CLIC5: variants seen among roughly 807,000 people sequenced by gnomAD.
CLIC5 encodes CLIC family member 5, also known as chloride intracellular channel protein 5.
In CLIC5, 20 loss-of-function variants were observed where a neutral mutation model predicts 24.7. The observed-to-expected ratio is 0.81, with a 90% confidence interval of 0.57 to 1.18. The LOEUF (loss-of-function observed/expected upper bound fraction) is 1.18, where lower values mean the gene tolerates loss of function less well. Among genes scored for constraint, CLIC5 ranks in the 50% most tolerant of loss-of-function variants. The pLI is 0.00. For missense variants in CLIC5, 341 were observed against 326.1 expected, an observed-to-expected ratio of 1.05 and a Z score of -0.35; for synonymous variants, 159 against 135.6, an observed-to-expected ratio of 1.17 and a Z score of -1.20.
At chr6:46,105,639 C>A in the CLIC5 span, among the ~76,000 whole-genome samples, 7 of 152,312 alleles carry the variant, frequency 4.6e-5, no homozygotes, top group Non-Finnish European at 8.8e-5. Flanking sequence ...CCACTCACCC[C>A]CTTTTGAAGT....
upstream of CLIC5, among the ~76,000 whole-genome samples, chr6:46,017,763 T>C (rs925846074): frequency 1.1e-4 from 17 of 152,304 alleles, no homozygotes; most frequent in African/African-American, 4.1e-4. Context: ...GGAAAAGGCT[T>C]CATGGAGCAA....
intron 1 of CLIC5, among the ~76,000 whole-genome samples, chr6:46,039,532 CATAAA>C (rs1767750099): frequency 6.6e-6 from 1 of 151,528 alleles, no homozygotes; most frequent in African/African-American, 2.4e-5. Flanking sequence ...TAAACATAAG[CATAAA>C]ATAAACATAA....
At chr6:46,114,481 C>T in the CLIC5 span, among the ~76,000 whole-genome samples, 1 of 152,178 alleles carries the variant, frequency 6.6e-6, no homozygotes, top group Non-Finnish European at 1.5e-5. Flanking sequence ...ATGTATCTAG[C>T]TACATTCTGT....
intron 1 of CLIC5, among the ~76,000 whole-genome samples, chr6:46,011,179 G>A (rs2127442517): frequency 6.6e-6 from 1 of 152,300 alleles, no homozygotes; most frequent in South Asian, 2.1e-4. Flanking sequence ...CCCTATACAC[G>A]ATTGTTCTGG....
chr6:46,081,351 C>T (rs1463689730), upstream of CLIC5, among the ~76,000 whole-genome samples: 1 of 152,128 alleles, frequency 6.6e-6, no homozygotes. Flanking sequence ...ACTTTAATGT[C>T]TAGAAATCAT....
chr6:45,969,993 G>A (rs1765144638), intron 1 of CLIC5, among the ~76,000 whole-genome samples: 1 of 151,994 alleles, frequency 6.6e-6, no homozygotes, highest in African/African-American at 2.4e-5. Context: ...AAGTAAAATG[G>A]GGGCGCAGTG....
chr6:46,000,443 G>A (rs959756007), intron 1 of CLIC5, among the ~76,000 whole-genome samples: 3 of 152,176 alleles, frequency 2.0e-5, no homozygotes, highest in African/African-American at 7.2e-5. Flanking sequence ...CTGTTCATCT[G>A]AACCCAGGTG....
chr6:45,892,827 A>G (rs1762364722), intron 6 of CLIC5, among the ~76,000 whole-genome samples: 1 of 152,206 alleles, frequency 6.6e-6, no homozygotes, highest in Admixed American at 6.5e-5. Flanking sequence ...CAGAGCTCTC[A>G]GTGCAGCTCT....
chr6:46,087,344 T>C, the CLIC5 span, among the ~76,000 whole-genome samples: 4 of 152,120 alleles, frequency 2.6e-5, no homozygotes, highest in Admixed American at 6.5e-5. Context: ...GTTTGATAGG[T>C]TTATTTAAAT....
intron 1 of CLIC5, among the ~76,000 whole-genome samples, chr6:46,073,157 G>A (rs528362635): frequency 1.3e-5 from 2 of 152,252 alleles, no homozygotes; most frequent in South Asian, 4.1e-4. Context: ...TGGGCACCTA[G>A]AAAATAATTT....
the CLIC5 span, among the ~76,000 whole-genome samples, chr6:46,091,191 C>A: frequency 2.6e-5 from 4 of 152,152 alleles, no homozygotes; most frequent in Non-Finnish European, 5.9e-5. Flanking sequence ...TACAATATGT[C>A]TCTTGAACTT....
chr6:46,122,897 T>C, the CLIC5 span: 1 of 152,236 alleles, frequency 6.6e-6, no homozygotes, highest in African/African-American at 2.4e-5. Context: ...GTTGAATCTC[T>C]TAATAGACCA....
rs9463150 is a variant in CLIC5 at position 45,938,411 on chromosome 6, T to A, written c.406+3136A>T. 2.9e-3 allele frequency among the ~76,000 whole-genome samples: 443 copies of A among 151,774 alleles called. 1 individual carries two copies. Among genetic ancestry groups the A allele is most frequent in the African/African-American group, 0.01 (424 of 41,410 alleles). On this transcript the variant is annotated intron_variant, in intron 4 of 5. Coordinates refer to ENST00000339561, the MANE Select transcript of CLIC5 (RefSeq NM_016929.5). ...GGTATTGGGTGGGAGGAAGGACAAG[T>A]AAAGAGGAAGGGAGGGGTGTGGGCA... is the stretch of plus-strand genomic sequence containing the variant.
chr6:45,980,397 C>T (rs571537365), intron 1 of CLIC5, among the ~76,000 whole-genome samples: 1 of 152,120 alleles, frequency 6.6e-6, no homozygotes, highest in African/African-American at 2.4e-5. Context: ...ATAATAGACA[C>T]TAGGGACTAC....
intron 1 of CLIC5, among the ~76,000 whole-genome samples, chr6:45,965,543 G>T (rs564754781): frequency 1.3e-5 from 2 of 152,272 alleles, no homozygotes; most frequent in South Asian, 2.1e-4. Context: ...CCTGATTAAG[G>T]CTCTCAATGC....
intron 1 of CLIC5, among the ~76,000 whole-genome samples, chr6:45,973,230 A>G (rs1581809520): frequency 6.6e-6 from 1 of 152,198 alleles, no homozygotes; most frequent in Non-Finnish European, 1.5e-5. Flanking sequence ...CCCTACCTCC[A>G]GGGGTTAAGT....
At chr6:46,065,140 G>A (rs1762406276) in intron 1 of CLIC5, among the ~76,000 whole-genome samples, 1 of 152,126 alleles carries the variant, frequency 6.6e-6, no homozygotes, top group African/African-American at 2.4e-5. Flanking sequence ...AAAGAAGACA[G>A]AAGGATGACT....
intron 4 of CLIC5, among the ~76,000 whole-genome samples, chr6:45,921,620 A>T (rs1390074560): frequency 1.5e-5 from 2 of 131,464 alleles, no homozygotes; most frequent in Admixed American, 1.5e-4. Context: ...ATGAGAGAAG[A>T]GATAGCTCAA....
In CLIC5 at chr6:45,900,866, C is replaced by A. The variant is rs1762493061; in HGVS notation, c.*2222G>T. 6.6e-6 allele frequency: 1 copy of A among 152,198 alleles called. No individual in the cohort carries two copies. The highest frequency in any genetic ancestry group is 6.5e-5 in the Admixed American group (1 of 15,274). 9.4% of individuals were successfully genotyped at this position (152,198 alleles called of 1,614,324 possible). On this transcript the variant is annotated 3_prime_UTR_variant, in exon 6 of 6. Coordinates refer to ENST00000339561, the MANE Select transcript of CLIC5 (RefSeq NM_016929.5). ...GGCCTGTTTGTTTTTAAGGACTTTC[C>A]AGTTGCTGAATTCTGAACATCCAAT... is the stretch of plus-strand genomic sequence containing the variant.
Sources: allele counts gnomAD v4.1 joint callset (sites outside exome capture counted in the v4.1 genomes callset), GRCh38; gene constraint gnomAD v4.1.1; transcripts MANE v1.5; gene names NCBI Gene and HGNC (gene_info 2026-07-23, HGNC 2026-07-21).